Variants in LRP5 observed in about 807,000 individuals in gnomAD.
LRP5 encodes the protein low-density lipoprotein receptor-related protein 5.
LRP5 carries 62 observed loss-of-function variants against 154.1 expected under a neutral mutation model. The ratio of observed to expected loss-of-function variants is 0.40; its 90% CI spans 0.33 to 0.50. The LOEUF (loss-of-function observed/expected upper bound fraction) is 0.50. Among genes scored for constraint, LRP5 ranks in the 20% least tolerant of loss-of-function variants. The pLI is 0.55. For missense variants in LRP5, 1,915 were observed against 2,336.7 expected, an observed-to-expected ratio of 0.82 and a Z score of 3.72; for synonymous variants, 966 against 1,011.5, an observed-to-expected ratio of 0.96 and a Z score of 0.85.
intron 1 of LRP5, among the ~76,000 whole-genome samples, chr11:68,324,241 G>A (rs1167351136): frequency 2.0e-5 from 3 of 152,280 alleles, no homozygotes; most frequent in African/African-American, 4.8e-5. Context: ...GGAACAGCAG[G>A]CCATGGCTCT....
rs1193472978 is a variant in LRP5, at chr11:68,416,480, G to A, written c.2980G>A (p.Val994Met). 1.2e-6 allele frequency: 2 copies of A among 1,614,192 alleles called. No homozygotes were observed. Among genetic ancestry groups the A allele is most frequent in the South Asian group, 1.1e-5 (1 of 91,084 alleles). ...YDPLDKFIYW[V>M]DGRQNIKRAK... ...CCCACTGGACAAGTTCATCTACTGG[G>A]TGGATGGGCGCCAGAACATCAAGCG... is the stretch of plus-strand genomic sequence containing the variant. The change falls in exon 13 of 23, where the codon GTG becomes ATG. Residue 994 changes from valine (V) to methionine (M), a missense_variant. This residue lies in a region of LRP5 where 1,094 missense variants were observed against 1,210.1 expected (regional missense o/e 0.90). Transcript: ENST00000294304.
At chr11:68,299,112 C>G in the LRP5 span, among the ~76,000 whole-genome samples, 1 of 152,242 alleles carries the variant, frequency 6.6e-6, no homozygotes, top group Admixed American at 6.5e-5. Context: ...TGGTCCCAGA[C>G]TTGGACGTCC....
chr11:68,306,146 CTTTTA>C, the LRP5 span, among the ~76,000 whole-genome samples: 18 of 152,016 alleles, frequency 1.2e-4, no homozygotes, highest in African/African-American at 4.3e-4. Flanking sequence ...CTTTTCTTTT[CTTTTA>C]TGAGACAGAG....
intron 1 of LRP5, among the ~76,000 whole-genome samples, chr11:68,337,650 G>A (rs762795949): frequency 6.6e-5 from 10 of 151,462 alleles, no homozygotes; most frequent in Non-Finnish European, 1.0e-4. Flanking sequence ...TAGGAAGCCT[G>A]CCTGGTTCAC....
At chr11:68,439,679 C>T in intron 20 of LRP5, 98 bp from the exon 21 acceptor site, 2 of 1,306,148 alleles carry the variant, frequency 1.5e-6, no homozygotes, top group Non-Finnish European at 2.2e-6. Context: ...TGGTCTGAGT[C>T]TCGTGGGTAG....
At chr11:68,426,322 TG>T (rs1176772085) in intron 16 of LRP5, 135 bp downstream of exon 16, 5 of 718,926 alleles carry the variant, frequency 7.0e-6, no homozygotes, top group African/African-American at 3.5e-5. Context: ...TGTTGCCCGC[TG>T]GGGTTCAGCG....
intron 21 of LRP5, among the ~76,000 whole-genome samples, chr11:68,445,344 C>T (rs1423628758): frequency 1.3e-5 from 2 of 152,166 alleles, no homozygotes; most frequent in Non-Finnish European, 2.9e-5. Context: ...AAGTGATCCG[C>T]CCGCCTCGGC....
At chr11:68,345,436 C>G (rs769567664) in intron 1 of LRP5, among the ~76,000 whole-genome samples, 1 of 151,862 alleles carries the variant, frequency 6.6e-6, no homozygotes, top group Non-Finnish European at 1.5e-5. Flanking sequence ...TACAGGTGCC[C>G]GTCACTACGC....
chr11:68,392,467 G>A (rs1349098239), intron 7 of LRP5, among the ~76,000 whole-genome samples: 1 of 152,080 alleles, frequency 6.6e-6, no homozygotes, highest in African/African-American at 2.4e-5. Context: ...TCATGCCACT[G>A]CACTCCAATC....
At chr11:68,408,073 T>TTTGTTG (rs370643540) in intron 9 of LRP5, among the ~76,000 whole-genome samples, 2 of 151,796 alleles carry the variant, frequency 1.3e-5, no homozygotes, top group African/African-American at 2.4e-5. Flanking sequence ...TTTTCTGCTT[T>TTTGTTG]TTGTTGTTGT....
At chr11:68,375,934 G>T (rs1326576565) in intron 5 of LRP5, among the ~76,000 whole-genome samples, 1 of 152,212 alleles carries the variant, frequency 6.6e-6, no homozygotes, top group Non-Finnish European at 1.5e-5. Flanking sequence ...AGAGTGCCCT[G>T]CACTTGTGAT....
chr11:68,371,138 G>A (rs911680467), intron 5 of LRP5, among the ~76,000 whole-genome samples: 12 of 152,188 alleles, frequency 7.9e-5, no homozygotes, highest in Non-Finnish European at 1.5e-4. Context: ...GGGGCAGCTG[G>A]TGTGGAAATA....
At chr11:68,442,441 A>G (rs2153183217) in intron 21 of LRP5, among the ~76,000 whole-genome samples, 1 of 152,082 alleles carries the variant, frequency 6.6e-6, no homozygotes, top group East Asian at 1.9e-4. Context: ...ATGCCAGGCT[A>G]ATTTTTAAAT....
At chr11:68,324,738 G>A (rs192705844) in intron 1 of LRP5, among the ~76,000 whole-genome samples, 218 of 152,336 alleles carry the variant, frequency 1.4e-3, no homozygotes, top group African/African-American at 5.0e-3. Flanking sequence ...GTGGGATTCC[G>A]CCTGCTCCAC....
At chr11:68,328,670 C>T (rs2098601066) in intron 1 of LRP5, among the ~76,000 whole-genome samples, 1 of 152,200 alleles carries the variant, frequency 6.6e-6, no homozygotes, top group Admixed American at 6.5e-5. Flanking sequence ...TCAGGGGCAC[C>T]GCAGTCTGCA....
At chr11:68,345,520 C>G (rs984693671) in intron 1 of LRP5, among the ~76,000 whole-genome samples, 8 of 151,998 alleles carry the variant, frequency 5.3e-5, no homozygotes, top group Non-Finnish European at 1.0e-4. Context: ...CTCCTGACCT[C>G]AGGTGATCCA....
chr11:68,391,189 G>C (rs1303824930), intron 7 of LRP5, among the ~76,000 whole-genome samples: 1 of 152,164 alleles, frequency 6.6e-6, no homozygotes, highest in Non-Finnish European at 1.5e-5. Context: ...GGCTGGTCTG[G>C]AACTCCTGGT....
chr11:68,425,104 A>G lies in LRP5; in HGVS notation c.3239A>G (p.Tyr1080Cys). ...RAIVVNAERG[Y>C]LYFTNMQDRA... ...CTTCACCCGCCACCCTCCCGCAGGTACCTGTACTTCACCAACATGCAGGAC... is the reference window on the plus strand; with the variant it reads ...CTTCACCCGCCACCCTCCCGCAGGTGCCTGTACTTCACCAACATGCAGGAC... The change falls in exon 15 of 23, where the codon TAC (tyrosine) becomes TGC (cysteine). Residue 1080 changes from tyrosine (Y) to cysteine (C), a missense_variant and splice_region_variant. Tyr to Cys is a radical substitution (Grantham distance 194, BLOSUM62 -2). This residue lies in a region of LRP5 where 1,094 missense variants were observed against 1,210.1 expected (regional missense o/e 0.90). Coordinates refer to ENST00000294304, the MANE Select transcript of LRP5 (RefSeq NM_002335.4). 1 of 1,613,536 alleles carries G rather than the reference A, an allele frequency of 6.2e-7. No homozygotes were observed. Among genetic ancestry groups the G allele is most frequent in the Non-Finnish European group, 8.5e-7 (1 of 1,179,914 alleles).
At position 68,428,692 on chromosome 11, in the gene LRP5, C is replaced by A. The variant is rs375089787; in HGVS notation, c.3638-883C>A. On this transcript the variant is annotated intron_variant, in intron 16 of 22. Coordinates refer to ENST00000294304, the MANE Select transcript of LRP5 (RefSeq NM_002335.4). ...CTTGAGATCCTTAACCTGCAAAGAC[C>A]CTTTTTCCAAAAAAAGGTTATGCTC... Among the ~76,000 whole-genome samples the A allele has an allele frequency of 2.2e-4, 33 of 149,888 alleles. No homozygotes were observed. The East Asian group carries it at 2.2e-3, about 10-fold the overall frequency.
Sources: allele counts gnomAD v4.1 joint callset (sites outside exome capture counted in the v4.1 genomes callset), GRCh38; gene constraint gnomAD v4.1.1; regional missense constraint gnomAD v4.1.1; transcripts MANE v1.5; gene names NCBI Gene and HGNC (gene_info 2026-07-23, HGNC 2026-07-21).